NRXN1: variants seen among roughly 807,000 people sequenced by gnomAD.
NRXN1 encodes neurexin-1.
NRXN1 carries 39 observed loss-of-function variants against 150.9 expected under a neutral mutation model. The ratio of observed to expected loss-of-function variants is 0.26; its 90% CI spans 0.20 to 0.34. The LOEUF (loss-of-function observed/expected upper bound fraction) is 0.34. Ranked by LOEUF, NRXN1 falls within the 10% of genes least tolerant of loss-of-function variation. NRXN1 has a pLI of 1.00. For synonymous variants in NRXN1, 924 were observed against 757.0 expected (o/e 1.22, Z -3.62); for missense variants, 1,815 against 1,949.9 (o/e 0.93, Z 1.30).
chr2:50,032,225 C>T (rs910479185), intron 21 of NRXN1, among the ~76,000 whole-genome samples: 20 of 152,060 alleles, frequency 1.3e-4, no homozygotes, highest in Admixed American at 1.2e-3. Flanking sequence ...TTTATTCACT[C>T]GTAATAAATA....
chr2:50,933,333 A>C (rs1688049898), intron 2 of NRXN1, among the ~76,000 whole-genome samples: 1 of 152,178 alleles, frequency 6.6e-6, no homozygotes, highest in Non-Finnish European at 1.5e-5. Flanking sequence ...AATTTGCCAC[A>C]TAAAATATAT....
In NRXN1 at chr2:51,031,557, C is replaced by A. The variant is rs2287233; in HGVS notation, c.-922+424G>T. Among the ~76,000 whole-genome samples, 2,442 of 152,182 alleles carry A rather than the reference C, an allele frequency of 0.016. 96 individuals are homozygous for A. In the East Asian group the frequency reaches 0.17, roughly 10 times the overall value. On this transcript the variant is annotated intron_variant, in intron 1 of 22. Transcript: ENST00000401669. ...TCAATACCAATGCACAGCCAAAATT[C>A]TCTCTGGCTTTCCCGCCCAGTCTCT...
chr2:50,436,658 A>T (rs2085474903), intron 17 of NRXN1, among the ~76,000 whole-genome samples: 1 of 152,232 alleles, frequency 6.6e-6, no homozygotes, highest in African/African-American at 2.4e-5. Flanking sequence ...GATGAGTAGC[A>T]GAACCAGTCA....
chr2:50,195,835 T>C (rs1019104992), intron 18 of NRXN1, among the ~76,000 whole-genome samples: 2 of 152,106 alleles, frequency 1.3e-5, no homozygotes, highest in African/African-American at 4.8e-5. Flanking sequence ...TAAAATATAA[T>C]ATTATCATAG....
intron 5 of NRXN1, among the ~76,000 whole-genome samples, chr2:50,875,184 T>G (rs569009969): frequency 6.6e-6 from 1 of 151,874 alleles, no homozygotes; most frequent in Admixed American, 6.6e-5. Flanking sequence ...CAACTTAATT[T>G]TCTTAAGAGG....
intron 8 of NRXN1, among the ~76,000 whole-genome samples, chr2:50,563,964 T>C (rs1382649592): frequency 6.6e-6 from 1 of 152,214 alleles, no homozygotes. Flanking sequence ...ATGATGTTTT[T>C]AGCAACTGCA....
chr2:49,981,619 A>G (rs1680006222), intron 21 of NRXN1, among the ~76,000 whole-genome samples: 1 of 152,092 alleles, frequency 6.6e-6, no homozygotes, highest in Non-Finnish European at 1.5e-5. Context: ...TAAGACACCT[A>G]TGAAGAAGGC....
intron 5 of NRXN1, among the ~76,000 whole-genome samples, chr2:50,921,068 A>G (rs930229701): frequency 6.6e-6 from 1 of 151,830 alleles, no homozygotes; most frequent in Non-Finnish European, 1.5e-5. Flanking sequence ...TAATTAAAAA[A>G]CAGAAACTAA....
chr2:50,590,345 T>C (rs983894182), intron 8 of NRXN1, among the ~76,000 whole-genome samples: 12 of 152,164 alleles, frequency 7.9e-5, no homozygotes, highest in African/African-American at 2.9e-4. Context: ...CTCTATACAA[T>C]GCTGCTTCTT....
intron 17 of NRXN1, among the ~76,000 whole-genome samples, chr2:50,254,754 G>T (rs1574769219): frequency 1.3e-5 from 2 of 152,126 alleles, no homozygotes; most frequent in Admixed American, 6.6e-5. Flanking sequence ...AGCCTATGAA[G>T]ATGGCAGTAA....
chr2:50,936,155 G>A (rs996558244), intron 2 of NRXN1, among the ~76,000 whole-genome samples: 4 of 152,144 alleles, frequency 2.6e-5, no homozygotes, highest in African/African-American at 7.2e-5. Flanking sequence ...GAGAAGGAAA[G>A]ATGATTTCCA....
chr2:49,955,219 G>A lies in NRXN1; in HGVS notation c.4129-11428C>T, dbSNP rs117990439. Among the ~76,000 whole-genome samples the A allele has an allele frequency of 3.3e-3, 507 of 152,142 alleles. 10 individuals carry two copies. In the East Asian group the frequency reaches 0.064, roughly 19 times the overall value. On this transcript the variant is annotated intron_variant, in intron 21 of 22. Coordinates refer to ENST00000401669, the MANE Select transcript of NRXN1 (RefSeq NM_001330078.2). Reference sequence around the variant, plus strand: ...TTGTCACAATTGCTCATTTATACCAGCTAATTAAATCTCAATATAAAATTG... The same window carrying A: ...TTGTCACAATTGCTCATTTATACCAACTAATTAAATCTCAATATAAAATTG...
At chr2:50,321,886 T>C (rs1346638380) in intron 17 of NRXN1, among the ~76,000 whole-genome samples, 1 of 152,096 alleles carries the variant, frequency 6.6e-6, no homozygotes, top group Non-Finnish European at 1.5e-5. Flanking sequence ...CATTAAATGA[T>C]CTAGAAACAT....
At chr2:50,221,266 G>C (rs1325076676) in intron 18 of NRXN1, among the ~76,000 whole-genome samples, 1 of 151,958 alleles carries the variant, frequency 6.6e-6, no homozygotes, top group African/African-American at 2.4e-5. Context: ...TATTAGAGAA[G>C]TTTTGGGGAT....
At chr2:50,305,512 T>G (rs1186557673) in intron 17 of NRXN1, among the ~76,000 whole-genome samples, 1 of 152,216 alleles carries the variant, frequency 6.6e-6, no homozygotes, top group African/African-American at 2.4e-5. Flanking sequence ...ATTTGTTAAA[T>G]TTAAGATTTA....
intron 18 of NRXN1, among the ~76,000 whole-genome samples, chr2:50,150,787 T>C (rs186308629): frequency 6.6e-6 from 1 of 151,872 alleles, no homozygotes; most frequent in East Asian, 1.9e-4. Context: ...TAGGGATTGC[T>C]ATGTTCTTAC....
intron 21 of NRXN1, among the ~76,000 whole-genome samples, chr2:50,028,603 AC>A (rs973667173): frequency 2.0e-5 from 3 of 152,214 alleles, no homozygotes; most frequent in Admixed American, 2.0e-4. Flanking sequence ...CTCTCAGCAC[AC>A]CACCTAGGCC....
intron 5 of NRXN1, among the ~76,000 whole-genome samples, chr2:50,822,449 C>T (rs1669871975): frequency 6.6e-6 from 1 of 152,036 alleles, no homozygotes. Context: ...AAATATTTTT[C>T]TGCAGAAAAT....
intron 21 of NRXN1, among the ~76,000 whole-genome samples, chr2:50,026,854 C>CT (rs1558721512): frequency 4.1e-5 from 2 of 49,132 alleles, no homozygotes; most frequent in Non-Finnish European, 7.3e-5. Flanking sequence ...TAAGTCTTTT[C>CT]TTTTCTTTTT....
Sources: allele counts gnomAD v4.1 joint callset (sites outside exome capture counted in the v4.1 genomes callset), GRCh38; gene constraint gnomAD v4.1.1; transcripts MANE v1.5; gene names NCBI Gene and HGNC (gene_info 2026-07-23, HGNC 2026-07-21).